Variants in MOCOS observed in about 807,000 individuals in gnomAD.
MOCOS encodes the protein molybdenum cofactor sulfurase, also known as human molybdenum cofactor sulfurase.
A neutral mutation model predicts 83.6 loss-of-function variants in MOCOS; 86 were observed. The ratio of observed to expected loss-of-function variants is 1.03; its 90% CI spans 0.86 to 1.23. The LOEUF (loss-of-function observed/expected upper bound fraction) is 1.23, where lower values mean the gene tolerates loss of function less well. MOCOS is among the 50% of genes most tolerant of loss of function. The pLI, the probability that MOCOS is intolerant of heterozygous loss-of-function variation, is 0.00. For synonymous variants in MOCOS, 445 were observed against 434.7 expected (o/e 1.02, Z -0.29); for missense variants, 1,120 against 1,126.9 (o/e 0.99, Z 0.09).
At chr18:36,196,226 C>G (rs13381361) in intron 2 of MOCOS, among the ~76,000 whole-genome samples, 22,413 of 152,116 alleles carry the variant, frequency 0.15, 1,875 homozygotes, top group East Asian at 0.32. Flanking sequence ...GGAAAGGGAA[C>G]TTGAAATCAT....
intron 11 of MOCOS, among the ~76,000 whole-genome samples, chr18:36,252,592 C>T (rs529294076): frequency 1.9e-4 from 29 of 151,990 alleles, no homozygotes; most frequent in African/African-American, 6.8e-4. Flanking sequence ...GGTGTGGTGG[C>T]ATGCACCTGT....
chr18:36,218,192 T>C (rs1239090026), intron 8 of MOCOS, among the ~76,000 whole-genome samples: 1 of 152,164 alleles, frequency 6.6e-6, no homozygotes, highest in Non-Finnish European at 1.5e-5. Context: ...GAGACCCTGA[T>C]GGAAGGAAAA....
intron 8 of MOCOS, among the ~76,000 whole-genome samples, chr18:36,216,569 T>A (rs2091476836): frequency 6.6e-6 from 1 of 152,142 alleles, no homozygotes; most frequent in African/African-American, 2.4e-5. Flanking sequence ...GAGAAGAAGC[T>A]CAACCCTACT....
intron 7 of MOCOS, among the ~76,000 whole-genome samples, chr18:36,215,108 G>A (rs1251901837): frequency 6.6e-6 from 1 of 152,252 alleles, no homozygotes; most frequent in East Asian, 1.9e-4. Context: ...AGTAATGAGA[G>A]GCTAACGAGA....
At chr18:36,245,534 C>T (rs1478311077) in intron 9 of MOCOS, among the ~76,000 whole-genome samples, 1 of 152,138 alleles carries the variant, frequency 6.6e-6, no homozygotes, top group Admixed American at 6.5e-5. Context: ...GTTACTGATG[C>T]TTTTGCCTCA....
intron 9 of MOCOS, among the ~76,000 whole-genome samples, chr18:36,248,258 T>C (rs1310395621): frequency 6.6e-6 from 1 of 152,240 alleles, no homozygotes; most frequent in Non-Finnish European, 1.5e-5. Context: ...TCAAGAAATA[T>C]CTATTCAGAT....
intron 9 of MOCOS, among the ~76,000 whole-genome samples, chr18:36,222,662 C>T (rs1479343924): frequency 6.7e-6 from 1 of 150,056 alleles, no homozygotes; most frequent in African/African-American, 2.5e-5. Context: ...AGTACAGTGG[C>T]GCGATCTTGG....
chr18:36,229,249 T>G (rs1340436344), intron 9 of MOCOS, among the ~76,000 whole-genome samples: 1 of 152,210 alleles, frequency 6.6e-6, no homozygotes, highest in Non-Finnish European at 1.5e-5. Context: ...TCAGGTCTAG[T>G]AGTGATAAAT....
chr18:36,205,992 G>A (rs1283525530), intron 6 of MOCOS, among the ~76,000 whole-genome samples: 2 of 152,062 alleles, frequency 1.3e-5, no homozygotes, highest in Admixed American at 1.3e-4. Flanking sequence ...CACCTGTGTT[G>A]GCCTCCCAAA....
chr18:36,266,411 C>T (rs1224604998), intron 13 of MOCOS, among the ~76,000 whole-genome samples: 1 of 152,112 alleles, frequency 6.6e-6, no homozygotes, highest in Non-Finnish European at 1.5e-5. Context: ...GTTGGGATTA[C>T]AGGTGTGAGC....
chr18:36,213,531 A>G (rs2091463345), intron 7 of MOCOS, 49 bp downstream of exon 7: 2 of 1,501,066 alleles, frequency 1.3e-6, no homozygotes, highest in African/African-American at 2.8e-5. Flanking sequence ...AGACCCAGCA[A>G]CACCTGTTGC....
chr18:36,192,982 A>C (rs951244445), intron 1 of MOCOS, among the ~76,000 whole-genome samples: 4 of 152,130 alleles, frequency 2.6e-5, no homozygotes, highest in Non-Finnish European at 4.4e-5. Flanking sequence ...TCAAAGTTAG[A>C]GGAATCACAC....
At position 36,266,932 on chromosome 18, in the gene MOCOS, A is replaced by ATAT. The variant is rs568673217; in HGVS notation, c.2514+79_2514+80insTAT. 27 of 1,222,424 alleles carry ATAT rather than the reference A, an allele frequency of 2.2e-5. No individual in the cohort carries two copies. In the African/African-American group the frequency reaches 3.7e-4, roughly 17 times the overall value. The allele number at this position is 1,222,424 out of a possible 1,614,324, so 75.7% of individuals were successfully genotyped here. A position where few individuals can be genotyped will look rare whatever the true frequency, so the allele number is the denominator to read the frequency against. On this transcript the variant is annotated intron_variant, in intron 14 of 14. Coordinates refer to ENST00000261326, the MANE Select transcript of MOCOS (RefSeq NM_017947.4). The stretch of plus-strand genomic sequence containing the variant: ...ACCAGAACTATGTTCATAATAGCAC[A>ATAT]GAGTTATTTTTTTAAATGGGGGATT...
Position 36,205,184 on chromosome 18 carries a change from A to G in MOCOS, c.1126A>G (p.Ser376Gly), listed in dbSNP as rs2091430332. 1 of 1,613,878 alleles carries G rather than the reference A, an allele frequency of 6.2e-7. No individual in the cohort carries two copies. Among genetic ancestry groups the G allele is most frequent in the African/African-American group, 1.3e-5 (1 of 74,958 alleles). ...TGGAGCCCCTGTGGTGCGGATTTAC[A>G]GCGATTCTGAGTTCAGCAGCCCTGA... ...PNGAPVVRIY[S>G]DSEFSSPEVQ... The change falls in exon 6 of 15, where the codon AGC becomes GGC. Residue 376 changes from serine (S) to glycine (G), a missense_variant. Physicochemically the swap from Ser to Gly is moderately conservative, Grantham distance 56. Transcript: ENST00000261326.
intron 13 of MOCOS, among the ~76,000 whole-genome samples, chr18:36,262,936 TTATCTC>T (rs1313069600): frequency 4.6e-5 from 7 of 152,116 alleles, no homozygotes; most frequent in African/African-American, 1.2e-4. Flanking sequence ...CAGCAAGACT[TTATCTC>T]TACAGAATAT....
Position 36,205,058 on chromosome 18 carries a change from G to A in MOCOS, c.1019-19G>A. The A allele has an allele frequency of 6.9e-7, 1 of 1,440,412 alleles. No homozygotes were observed. Among genetic ancestry groups the A allele is most frequent in the South Asian group, 1.1e-5 (1 of 88,006 alleles). 89.2% of individuals were successfully genotyped at this position (1,440,412 alleles called of 1,614,324 possible). On this transcript the variant is annotated intron_variant, in intron 5 of 14. Coordinates refer to ENST00000261326, the MANE Select transcript of MOCOS (RefSeq NM_017947.4). Reference sequence around the variant, plus strand: ...TACATAAAGCTCATGATTCTCTTGTGTTTCATGATTGATTTGAGGTGGAAT... The same window carrying A: ...TACATAAAGCTCATGATTCTCTTGTATTTCATGATTGATTTGAGGTGGAAT...
At chr18:36,225,077 A>C (rs1036714993) in intron 9 of MOCOS, among the ~76,000 whole-genome samples, 1 of 151,860 alleles carries the variant, frequency 6.6e-6, no homozygotes, top group Non-Finnish European at 1.5e-5. Context: ...AGAATATTTT[A>C]TTTTTGTGGC....
chr18:36,255,657 G>C (rs900340659), intron 11 of MOCOS, among the ~76,000 whole-genome samples: 4 of 152,126 alleles, frequency 2.6e-5, no homozygotes, highest in Admixed American at 6.5e-5. Context: ...GGCAGATCTG[G>C]AGGGCAGTTC....
intron 9 of MOCOS, among the ~76,000 whole-genome samples, chr18:36,221,453 A>G (rs1047446042): frequency 2.0e-5 from 3 of 152,222 alleles, no homozygotes; most frequent in Non-Finnish European, 4.4e-5. Context: ...GGTTAAAAAA[A>G]GGTAAAAGAC....
Sources: gnomAD v4.1 joint callset for allele counts (sites outside exome capture counted in the v4.1 genomes callset) on GRCh38, gnomAD v4.1.1 for gene constraint, MANE v1.5 for transcripts, NCBI Gene and HGNC (gene_info 2026-07-23, HGNC 2026-07-21) for gene names.